The following ATXN10 variants were observed in gnomAD, a reference collection of about 807,000 sequenced individuals.
ATXN10 encodes ataxin 10.
In ATXN10, 28 loss-of-function variants were observed where a neutral mutation model predicts 52.9. That is an observed-to-expected ratio of 0.53 (90% CI 0.39 to 0.73). The LOEUF (loss-of-function observed/expected upper bound fraction) is 0.73. ATXN10 is among the 30% of genes least tolerant of loss of function. ATXN10 has a pLI of 0.00. For synonymous variants in ATXN10, 226 were observed against 221.5 expected (o/e 1.02, Z -0.18); for missense variants, 565 against 577.0 (o/e 0.98, Z 0.21).
chr22:45,732,194 G>A lies in ATXN10; in HGVS notation c.894+2604G>A, dbSNP rs188687815. 1.8e-4 allele frequency among the ~76,000 whole-genome samples: 27 copies of A among 152,226 alleles called. No individual in the cohort carries two copies. Among genetic ancestry groups the A allele is most frequent in the African/African-American group, 5.8e-4 (24 of 41,522 alleles). ...AGACTGGGAACAGTGGCTCATGCCCGTAATCCCAATACTTTGGGACGCCAA... is the reference window on the plus strand; with the variant it reads ...AGACTGGGAACAGTGGCTCATGCCCATAATCCCAATACTTTGGGACGCCAA... On this transcript the variant is annotated intron_variant, in intron 7 of 11. Coordinates refer to ENST00000252934, the MANE Select transcript of ATXN10 (RefSeq NM_013236.4). This position sits in a 1 kb window ranked among gnomAD's most constrained non-coding sequence, Gnocchi z 4.5.
chr22:45,740,279 A>G (rs1925458076), intron 8 of ATXN10, 90 bp from the exon 9 acceptor site: 4 of 1,281,726 alleles, frequency 3.1e-6, no homozygotes, highest in Non-Finnish European at 4.5e-6. Flanking sequence ...GCCTATTACA[A>G]TAAATTAGAT....
In ATXN10 at chr22:45,738,798, G is replaced by C; in HGVS notation, c.962G>C (p.Gly321Ala). ...CEMTVNTELLGYLQVFPGLLE... is the reference protein window; with the variant it reads ...CEMTVNTELLAYLQVFPGLLE... ...ATGACTGTGAATACTGAGCTGCTCG[G>C]CTATCTGCAGGTTTTCCCTGGCTTG... Residue 321 changes from glycine to alanine, a missense_variant, in exon 8 of 12, where the codon GGC (glycine) becomes GCC (alanine). Coordinates refer to ENST00000252934, the MANE Select transcript of ATXN10 (RefSeq NM_013236.4). 6.2e-7 allele frequency: 1 copy of C among 1,614,142 alleles called. No homozygotes were observed. The highest frequency in any genetic ancestry group is 1.6e-4 in the Middle Eastern group (1 of 6,062).
At chr22:45,768,896 T>C (rs945421326) in intron 9 of ATXN10, among the ~76,000 whole-genome samples, 4 of 152,190 alleles carry the variant, frequency 2.6e-5, no homozygotes, top group Non-Finnish European at 4.4e-5. Flanking sequence ...TAATTAATCT[T>C]TCTAGGCAAA....
intron 10 of ATXN10, among the ~76,000 whole-genome samples, chr22:45,809,709 G>A (rs897937953): frequency 2.0e-5 from 3 of 152,178 alleles, no homozygotes; most frequent in African/African-American, 7.2e-5. Context: ...GTGAGTGTGT[G>A]TACGTGCATA....
At chr22:45,675,158 G>A (rs961610069) in intron 1 of ATXN10, 2 of 152,198 alleles carry the variant, frequency 1.3e-5, no homozygotes, top group Non-Finnish European at 2.9e-5. Flanking sequence ...GAATCCATTT[G>A]TGTTGAATCT....
At chr22:45,731,999 A>T (rs1051391846) in intron 7 of ATXN10, among the ~76,000 whole-genome samples, 1 of 152,264 alleles carries the variant, frequency 6.6e-6, no homozygotes, top group Non-Finnish European at 1.5e-5. Flanking sequence ...AAGACAGATC[A>T]CAGCTTTAAA....
rs1243200878 is a variant in ATXN10, at chr22:45,837,899, C to T, written c.1238-5092C>T. ...GTTTGCTGTCATAAAAAGCACAGGC[C>T]ATCATTTGCTGACCCCTGTTCTTAG... is the stretch of plus-strand genomic sequence containing the variant. On this transcript the variant is annotated intron_variant, in intron 10 of 11. Transcript: ENST00000252934. The surrounding 1 kb of genome is among the most constrained non-coding windows in gnomAD (Gnocchi z 5.8). Among the ~76,000 whole-genome samples the T allele has an allele frequency of 6.6e-6, 1 of 152,166 alleles. No homozygotes were observed. Among genetic ancestry groups the T allele is most frequent in the Non-Finnish European group, 1.5e-5 (1 of 68,040 alleles).
chr22:45,817,174 C>G (rs191868901), intron 10 of ATXN10, among the ~76,000 whole-genome samples: 6 of 152,262 alleles, frequency 3.9e-5, no homozygotes, highest in Admixed American at 2.6e-4. Flanking sequence ...TCTGGAGGGG[C>G]GGCCTCTCTT....
rs1038606889 is a variant in ATXN10 at position 45,835,135 on chromosome 22, C to T, written c.1238-7856C>T. Among the ~76,000 whole-genome samples the T allele has an allele frequency of 2.0e-5, 3 of 152,184 alleles. No homozygotes were observed. The highest frequency in any genetic ancestry group is 1.3e-4 in the Admixed American group (2 of 15,280). On this transcript the variant is annotated intron_variant, in intron 10 of 11. Coordinates refer to ENST00000252934, the MANE Select transcript of ATXN10 (RefSeq NM_013236.4). The surrounding 1 kb of genome is among the most constrained non-coding windows in gnomAD (Gnocchi z 5.0). ...CCCGTGAATGTGAGGTACCTGTGAG[C>T]GCGGCCCTCCATCGGCCACAGAAGC...
intron 5 of ATXN10, among the ~76,000 whole-genome samples, chr22:45,713,329 C>G (rs964745453): frequency 6.6e-6 from 1 of 152,100 alleles, no homozygotes; most frequent in Admixed American, 6.5e-5. Flanking sequence ...AGAAGAGAGA[C>G]CTTCATGCAT....
In ATXN10 at chr22:45,783,061, C is replaced by A. The variant is rs919476103; in HGVS notation, c.1174-23898C>A. ...TCAGCATACAGTTTTTTTCTTAAGT[C>A]TAGAACTCTGACCTTTTCACTTAAA... On this transcript the variant is annotated intron_variant, in intron 9 of 11. Coordinates refer to ENST00000252934, the MANE Select transcript of ATXN10 (RefSeq NM_013236.4). The surrounding 1 kb of genome is among the most constrained non-coding windows in gnomAD (Gnocchi z 5.0). 6.6e-6 allele frequency among the ~76,000 whole-genome samples: 1 copy of A among 152,184 alleles called. No homozygotes were observed. The highest frequency in any genetic ancestry group is 1.5e-5 in the Non-Finnish European group (1 of 68,030).
chr22:45,737,630 T>C (rs375625369), intron 7 of ATXN10, among the ~76,000 whole-genome samples: 1 of 151,946 alleles, frequency 6.6e-6, no homozygotes, highest in African/African-American at 2.4e-5. Flanking sequence ...TAGAAAACAG[T>C]AAATACACAT....
rs570116361 is a variant in ATXN10, at chr22:45,750,048, A to G, written c.1173+9510A>G. Reference sequence around the variant, plus strand: ...AATCCAGTTTTCCTAACTGCTACTCAGTTTTCTTTACTTACGCCATATGAT... The same window carrying G: ...AATCCAGTTTTCCTAACTGCTACTCGGTTTTCTTTACTTACGCCATATGAT... On this transcript the variant is annotated intron_variant, in intron 9 of 11. Transcript: ENST00000252934. The surrounding 1 kb of genome is among the most constrained non-coding windows in gnomAD (Gnocchi z 4.2). Among the ~76,000 whole-genome samples the G allele has an allele frequency of 2.0e-5, 3 of 152,294 alleles. No individual in the cohort carries two copies. The South Asian group carries it at 6.2e-4, about 32-fold the overall frequency.
At position 45,713,820 on chromosome 22, in the gene ATXN10, A is replaced by G. The variant is rs544275808; in HGVS notation, c.648-4593A>G. On this transcript the variant is annotated intron_variant, in intron 5 of 11. Transcript: ENST00000252934. ...ATTTCTGAGATCTTTCCATATTCCTATATAAAGACTTTCCTCAGTTAAAGA... is the reference window on the plus strand; with the variant it reads ...ATTTCTGAGATCTTTCCATATTCCTGTATAAAGACTTTCCTCAGTTAAAGA... Among the ~76,000 whole-genome samples, 7 of 152,240 alleles carry G rather than the reference A, an allele frequency of 4.6e-5. No homozygotes were observed. The East Asian group carries it at 1.2e-3, about 25-fold the overall frequency.
intron 10 of ATXN10, among the ~76,000 whole-genome samples, chr22:45,807,375 G>A (rs1053863554): frequency 6.6e-6 from 1 of 152,138 alleles, no homozygotes; most frequent in Non-Finnish European, 1.5e-5. Context: ...ACGAACTATG[G>A]CATATTGTTT....
intron 10 of ATXN10, among the ~76,000 whole-genome samples, chr22:45,838,750 C>T (rs2146917787): frequency 6.6e-6 from 1 of 152,236 alleles, no homozygotes; most frequent in Middle Eastern, 3.4e-3. Flanking sequence ...GGGCTGTGGA[C>T]CAGACACGCT....
At chr22:45,760,883 C>T (rs1199299305) in intron 9 of ATXN10, among the ~76,000 whole-genome samples, 5 of 152,032 alleles carry the variant, frequency 3.3e-5, no homozygotes, top group South Asian at 4.1e-4. Flanking sequence ...CCCCAGTGTG[C>T]GGAGTGGATT....
intron 10 of ATXN10, among the ~76,000 whole-genome samples, chr22:45,836,807 A>G (rs996970883): frequency 2.0e-5 from 3 of 152,244 alleles, no homozygotes; most frequent in African/African-American, 4.8e-5. Context: ...ACATTTTACC[A>G]TGGTCCGAGA....
chr22:45,763,925 C>T lies in ATXN10; in HGVS notation c.1173+23387C>T, dbSNP rs781405307. Among the ~76,000 whole-genome samples, 6 of 150,140 alleles carry T rather than the reference C, an allele frequency of 4.0e-5. No homozygotes were observed. Among genetic ancestry groups the T allele is most frequent in the Non-Finnish European group, 7.4e-5 (5 of 67,666 alleles). On this transcript the variant is annotated intron_variant, in intron 9 of 11. Transcript: ENST00000252934. The surrounding 1 kb of genome is among the most constrained non-coding windows in gnomAD (Gnocchi z 6.9). ...CCCACCTCCCCCAGTGTCTTCCAGGCCCCCTTCTTATCTAAGGCTGCTACG... is the reference window on the plus strand; with the variant it reads ...CCCACCTCCCCCAGTGTCTTCCAGGTCCCCTTCTTATCTAAGGCTGCTACG...
Sources: allele counts gnomAD v4.1 joint callset (sites outside exome capture counted in the v4.1 genomes callset), GRCh38; gene constraint gnomAD v4.1.1; non-coding constraint Gnocchi (gnomAD v3.1); transcripts MANE v1.5; gene names NCBI Gene and HGNC (gene_info 2026-07-23, HGNC 2026-07-21).